Variants in MCF2L2 observed in about 807,000 individuals in gnomAD.
MCF2L2 encodes the protein MCF.2 cell line derived transforming sequence-like 2.
Under a neutral mutation model 150.2 loss-of-function variants are expected in MCF2L2, and 102 were observed. The observed-to-expected ratio is 0.68, with a 90% CI of 0.58 to 0.80. The LOEUF is 0.80. Ranked by LOEUF, MCF2L2 falls within the 30% of genes least tolerant of loss-of-function variation. MCF2L2 has a pLI of 0.00. For missense variants in MCF2L2, 1,256 were observed against 1,372.8 expected, an observed-to-expected ratio of 0.91 and a Z score of 1.34; for synonymous variants, 465 against 491.3, an observed-to-expected ratio of 0.95 and a Z score of 0.71.
intron 1 of MCF2L2, among the ~76,000 whole-genome samples, chr3:183,413,176 A>G (rs535616505): frequency 6.6e-6 from 1 of 152,150 alleles, no homozygotes; most frequent in Non-Finnish European, 1.5e-5. Flanking sequence ...ACAATGTAGG[A>G]GCTGGGGTGC....
At chr3:183,280,359 T>C in intron 14 of MCF2L2, among the ~76,000 whole-genome samples, 1 of 152,180 alleles carries the variant, frequency 6.6e-6, no homozygotes, top group Non-Finnish European at 1.5e-5. Context: ...ATATAAACCC[T>C]TTTTAAACTT....
At chr3:183,330,794 G>A (rs952540112) in intron 5 of MCF2L2, among the ~76,000 whole-genome samples, 2 of 152,118 alleles carry the variant, frequency 1.3e-5, no homozygotes, top group Non-Finnish European at 2.9e-5. Flanking sequence ...CAAACCCACA[G>A]GACACACTAA....
intron 1 of MCF2L2, among the ~76,000 whole-genome samples, chr3:183,412,704 TA>T (rs1181136509): frequency 6.6e-6 from 1 of 152,168 alleles, no homozygotes; most frequent in African/African-American, 2.4e-5. Flanking sequence ...GGATGCCTTT[TA>T]TTTTTTTTAT....
At chr3:183,240,436 C>G (rs1179948814) in intron 15 of MCF2L2, among the ~76,000 whole-genome samples, 1 of 152,194 alleles carries the variant, frequency 6.6e-6, no homozygotes, top group Admixed American at 6.5e-5. Flanking sequence ...CCAGGCTGGT[C>G]TCGAACTCCT....
At chr3:183,394,211 G>A (rs917851824) in intron 1 of MCF2L2, among the ~76,000 whole-genome samples, 2 of 152,162 alleles carry the variant, frequency 1.3e-5, no homozygotes, top group Admixed American at 6.6e-5. Flanking sequence ...GCAACAACGC[G>A]TAACAAGCCA....
Position 183,270,338 on chromosome 3 carries a change from T to C in MCF2L2, c.1862+6534A>G, listed in dbSNP as rs776397039. On this transcript the variant is annotated intron_variant, in intron 15 of 29. Coordinates refer to ENST00000328913, the MANE Select transcript of MCF2L2 (RefSeq NM_015078.4). The surrounding 1 kb of genome is among the most constrained non-coding windows in gnomAD (Gnocchi z 4.5). Reference sequence around the variant, plus strand: ...TACTTATGCAGTTCAGTTGGGCAAATACCTATTGTCCACATGCCAAATTTC... The same window carrying C: ...TACTTATGCAGTTCAGTTGGGCAAACACCTATTGTCCACATGCCAAATTTC... 2.5e-6 allele frequency: 4 copies of C among 1,614,030 alleles called. No individual in the cohort carries two copies. The highest frequency in any genetic ancestry group is 2.5e-6 in the Non-Finnish European group (3 of 1,180,000).
intron 15 of MCF2L2, among the ~76,000 whole-genome samples, chr3:183,249,548 C>G (rs989037611): frequency 6.6e-6 from 1 of 152,154 alleles, no homozygotes; most frequent in African/African-American, 2.4e-5. Flanking sequence ...TGGAAGAAAC[C>G]GGGTTCTCAG....
At chr3:183,251,379 T>C (rs1159496619) in intron 15 of MCF2L2, among the ~76,000 whole-genome samples, 1 of 152,178 alleles carries the variant, frequency 6.6e-6, no homozygotes, top group Non-Finnish European at 1.5e-5. Flanking sequence ...GGTTCTCTTG[T>C]ACTCAGGGTT....
At chr3:183,342,561 C>T (rs1730743448) in intron 3 of MCF2L2, among the ~76,000 whole-genome samples, 1 of 149,026 alleles carries the variant, frequency 6.7e-6, no homozygotes, top group Non-Finnish European at 1.5e-5. Flanking sequence ...TCAGACTCTT[C>T]GTTTGTAAAT....
intron 8 of MCF2L2, among the ~76,000 whole-genome samples, chr3:183,311,299 C>T (rs1336471026): frequency 1.3e-5 from 2 of 151,884 alleles, no homozygotes; most frequent in Non-Finnish European, 2.9e-5. Context: ...CTGATCTTAC[C>T]TTCATGCCTT....
chr3:183,359,658 T>C (rs1274538756), intron 3 of MCF2L2, among the ~76,000 whole-genome samples: 2 of 152,232 alleles, frequency 1.3e-5, no homozygotes, highest in Non-Finnish European at 2.9e-5. Flanking sequence ...ATAAACACTT[T>C]CTTGAACAGC....
chr3:183,206,938 GAA>G (rs1722501220), intron 23 of MCF2L2, among the ~76,000 whole-genome samples: 5 of 32,336 alleles, frequency 1.5e-4, no homozygotes, highest in Non-Finnish European at 3.4e-4. Flanking sequence ...AGGAAGGAAG[GAA>G]GGAAGGAAGG....
chr3:183,208,485 C>T (rs1722576769), intron 22 of MCF2L2, among the ~76,000 whole-genome samples: 1 of 152,210 alleles, frequency 6.6e-6, no homozygotes, highest in Non-Finnish European at 1.5e-5. Context: ...AACTGTGATG[C>T]CCCTGTCTCC....
At chr3:183,184,923 CTT>C (rs72262541) in intron 27 of MCF2L2, among the ~76,000 whole-genome samples, 6 of 145,592 alleles carry the variant, frequency 4.1e-5, no homozygotes, top group South Asian at 2.2e-4. Context: ...TTTTCTTTTT[CTT>C]TTTTTTTTTT....
intron 18 of MCF2L2, chr3:183,225,485 T>A (rs954375792): frequency 6.6e-6 from 1 of 152,244 alleles, no homozygotes; most frequent in African/African-American, 2.4e-5. Context: ...AATCTCCTTA[T>A]AGAATGAATC....
chr3:183,366,369 G>A (rs1270511970), intron 3 of MCF2L2, among the ~76,000 whole-genome samples: 1 of 152,142 alleles, frequency 6.6e-6, no homozygotes, highest in Non-Finnish European at 1.5e-5. Context: ...GGCTGGGCGC[G>A]GTGGCTCATG....
rs2108625323 is a variant in MCF2L2, at chr3:183,179,668, C to T, written c.3130G>A (p.Asp1044Asn). Residue 1044 changes from aspartate to asparagine, a missense_variant, in exon 29 of 30, where the codon GAC becomes AAC. Physicochemically the swap from Asp to Asn is conservative, Grantham distance 23. Transcript: ENST00000328913. This position sits in a 1 kb window ranked among gnomAD's most constrained non-coding sequence, Gnocchi z 4.2. ...LSLAGLFQSDDSHETCSSKSA... is the reference protein window; with the variant it reads ...LSLAGLFQSDNSHETCSSKSA... ...TTGGAGGAACAGGTTTCGTGACTGT[C>T]GTCCGACTGGAAAAGGCCCGCGAGC... The T allele has an allele frequency of 1.2e-6, 2 of 1,614,092 alleles. No homozygotes were observed. The highest frequency in any genetic ancestry group is 1.7e-5 in the Admixed American group (1 of 60,006).
At chr3:183,415,501 CTA>C (rs749358857) in intron 1 of MCF2L2, among the ~76,000 whole-genome samples, 8 of 152,104 alleles carry the variant, frequency 5.3e-5, no homozygotes, top group African/African-American at 1.9e-4. Context: ...GTTGAATTTT[CTA>C]TGTCTCCTTT....
chr3:183,226,651 T>G (rs1175067318), intron 18 of MCF2L2: 1 of 152,214 alleles, frequency 6.6e-6, no homozygotes, highest in African/African-American at 2.4e-5. Flanking sequence ...TTTCCTCATA[T>G]TTGAACAATT....
Sources: allele counts gnomAD v4.1 joint callset (sites outside exome capture counted in the v4.1 genomes callset), GRCh38; gene constraint gnomAD v4.1.1; non-coding constraint Gnocchi (gnomAD v3.1); transcripts MANE v1.5; gene names NCBI Gene and HGNC (gene_info 2026-07-23, HGNC 2026-07-21).